The following KCNQ1 variants were observed in gnomAD, a reference collection of about 807,000 sequenced individuals.
The protein encoded by KCNQ1 is potassium voltage-gated channel subfamily KQT member 1.
In KCNQ1, 49 loss-of-function variants were observed where a neutral mutation model predicts 72.4. The ratio of observed to expected loss-of-function variants is 0.68; its 90% CI spans 0.54 to 0.86. KCNQ1 has a LOEUF of 0.86. Among genes scored for constraint, KCNQ1 ranks in the 40% least tolerant of loss-of-function variants. The probability of loss-of-function intolerance (pLI) is 0.00; values close to 1 mark genes in which losing one functional copy is unlikely to be tolerated. For missense variants in KCNQ1, 790 were observed against 945.1 expected (o/e 0.84, Z 2.15); for synonymous variants, 450 against 412.6 (o/e 1.09, Z -1.10).
chr11:2,609,283 ATTAT>A (rs1487188183), intron 10 of KCNQ1: 7 of 398,134 alleles, frequency 1.8e-5, no homozygotes, highest in Non-Finnish European at 2.2e-5. Flanking sequence ...TCACCCATTG[ATTAT>A]TTAAGAATGT....
chr11:2,546,976 C>G (rs1283568563), intron 2 of KCNQ1, among the ~76,000 whole-genome samples: 1 of 152,170 alleles, frequency 6.6e-6, no homozygotes. Context: ...ACTTTCAAAC[C>G]ATTTGTGTCT....
chr11:2,516,373 C>T lies in KCNQ1; in HGVS notation c.387-11555C>T, dbSNP rs567874937. 4.6e-5 allele frequency among the ~76,000 whole-genome samples: 7 copies of T among 152,066 alleles called. No individual in the cohort carries two copies. In the South Asian group the frequency reaches 1.5e-3, roughly 32 times the overall value. On this transcript the variant is annotated intron_variant, in intron 1 of 15. Coordinates refer to ENST00000155840, the MANE Select transcript of KCNQ1 (RefSeq NM_000218.3). The surrounding 1 kb of genome is among the most constrained non-coding windows in gnomAD (Gnocchi z 7.0). The stretch of plus-strand genomic sequence containing the variant: ...CCCCTCATGCCTGGGACCGCTGACC[C>T]ACCGGGATTCTTGGGGGCCACCATA...
intron 11 of KCNQ1, among the ~76,000 whole-genome samples, chr11:2,733,857 C>CTCTCTCTCGCTCTTTCTCTCT (rs147278439): frequency 5.2e-5 from 4 of 76,364 alleles, no homozygotes; most frequent in African/African-American, 1.8e-4. Flanking sequence ...CTCTCTCTCT[C>CTCTCTCTCGCTCTTTCTCTCT]CCCCCCCACT....
intron 2 of KCNQ1, among the ~76,000 whole-genome samples, chr11:2,569,446 T>C (rs1848293790): frequency 6.6e-6 from 1 of 152,184 alleles, no homozygotes; most frequent in South Asian, 2.1e-4. Context: ...GTGGACTCCC[T>C]GGTGGGGGCG....
rs1277710460 is a variant in KCNQ1, at chr11:2,808,865, A to T, written c.1794+30828A>T. Among the ~76,000 whole-genome samples, 1 of 152,102 alleles carries T rather than the reference A, an allele frequency of 6.6e-6. No homozygotes were observed. Among genetic ancestry groups the T allele is most frequent in the Non-Finnish European group, 1.5e-5 (1 of 68,032 alleles). ...TGTATGGAGGATTAGGGGAGGGATA[A>T]ATGGATGGATGGATGAACACATGGA... On this transcript the variant is annotated intron_variant, in intron 15 of 15. Coordinates refer to ENST00000155840, the MANE Select transcript of KCNQ1 (RefSeq NM_000218.3). The surrounding 1 kb of genome is among the most constrained non-coding windows in gnomAD (Gnocchi z 6.0).
chr11:2,834,602 C>G (rs4930009), intron 15 of KCNQ1, among the ~76,000 whole-genome samples: 24,623 of 152,170 alleles, frequency 0.16, 2,132 homozygotes, highest in Middle Eastern at 0.24. Context: ...AGAGACTGTG[C>G]GAGCAGAGGC....
In KCNQ1 at chr11:2,464,342, A is replaced by T. The variant is rs919110096; in HGVS notation, c.386+18858A>T. Among the ~76,000 whole-genome samples the T allele has an allele frequency of 5.3e-5, 8 of 152,230 alleles. No individual in the cohort carries two copies. The highest frequency in any genetic ancestry group is 1.9e-4 in the African/African-American group (8 of 41,454). On this transcript the variant is annotated intron_variant, in intron 1 of 15. Coordinates refer to ENST00000155840, the MANE Select transcript of KCNQ1 (RefSeq NM_000218.3). The surrounding 1 kb of genome is among the most constrained non-coding windows in gnomAD (Gnocchi z 5.0). ...TCTAATTAAAAATATATTGCTTTTT[A>T]AAAATAATAAAAGATCATTTAAATT...
At chr11:2,841,521 C>A (rs749216798) in intron 15 of KCNQ1, among the ~76,000 whole-genome samples, 1 of 152,202 alleles carries the variant, frequency 6.6e-6, no homozygotes, top group Non-Finnish European at 1.5e-5. Context: ...GCCACAGACA[C>A]CAGGTGCACA....
rs1258660113 is a variant in KCNQ1, at chr11:2,673,791, G to A, written c.1514+11710G>A. 2 of 398,598 alleles carry A rather than the reference G, an allele frequency of 5.0e-6. No individual in the cohort carries two copies. The highest frequency in any genetic ancestry group is 2.5e-4 in the South Asian group (2 of 7,854). 24.7% of individuals were successfully genotyped at this position (398,598 alleles called of 1,614,324 possible). A position where few individuals can be genotyped will look rare whatever the true frequency, so the allele number is the denominator to read the frequency against. On this transcript the variant is annotated intron_variant, in intron 11 of 15. Coordinates refer to ENST00000155840, the MANE Select transcript of KCNQ1 (RefSeq NM_000218.3). The surrounding 1 kb of genome is among the most constrained non-coding windows in gnomAD (Gnocchi z 4.5). Reference sequence around the variant, plus strand: ...GTATGTTGGGAAGCTCTGGTGCAAAGGGCAGTGATGGCCCTTCAATCCCAG... The same window carrying A: ...GTATGTTGGGAAGCTCTGGTGCAAAAGGCAGTGATGGCCCTTCAATCCCAG...
At chr11:2,775,107 A>G (rs1723102560) in intron 12 of KCNQ1, among the ~76,000 whole-genome samples, 1 of 152,186 alleles carries the variant, frequency 6.6e-6, no homozygotes, top group South Asian at 2.1e-4. Context: ...CTGTTGTCCT[A>G]TGTGCTGGCT....
In KCNQ1 at chr11:2,772,546, GTC is replaced by G. The variant is rs1369343175; in HGVS notation, c.1591-3410_1591-3409del. Among the ~76,000 whole-genome samples the G allele has an allele frequency of 6.6e-6, 1 of 152,118 alleles. No homozygotes were observed. The highest frequency in any genetic ancestry group is 1.5e-5 in the Non-Finnish European group (1 of 68,012). ...AGGCATCTCAGTGGCTCCAGGATAA[GTC>G]TCTGTGGGCTGGGATGCCACCGGGC... On this transcript the variant is annotated intron_variant, in intron 12 of 15. Coordinates refer to ENST00000155840, the MANE Select transcript of KCNQ1 (RefSeq NM_000218.3). This position sits in a 1 kb window ranked among gnomAD's most constrained non-coding sequence, Gnocchi z 6.6.
intron 15 of KCNQ1, among the ~76,000 whole-genome samples, chr11:2,794,142 G>C (rs1464105100): frequency 2.6e-5 from 4 of 152,212 alleles, no homozygotes; most frequent in African/African-American, 9.6e-5. Context: ...TTACAGGCAG[G>C]TGAGGATGCA....
intron 1 of KCNQ1, among the ~76,000 whole-genome samples, chr11:2,466,699 C>T (rs1846357161): frequency 6.6e-6 from 1 of 152,220 alleles, no homozygotes; most frequent in Non-Finnish European, 1.5e-5. Flanking sequence ...CAGCCTTGTC[C>T]AGGGGGCCTC....
At chr11:2,561,665 C>T (rs2133710506) in intron 2 of KCNQ1, among the ~76,000 whole-genome samples, 1 of 152,358 alleles carries the variant, frequency 6.6e-6, no homozygotes. Context: ...TGTGCCCATC[C>T]TCCTCCTGCT....
intron 10 of KCNQ1, among the ~76,000 whole-genome samples, chr11:2,604,131 AC>A (rs574434514): frequency 6.6e-6 from 1 of 152,150 alleles, no homozygotes; most frequent in Non-Finnish European, 1.5e-5. Flanking sequence ...TGCTTCTAGA[AC>A]ATGTGGGTTT....
intron 10 of KCNQ1, chr11:2,655,188 T>C (rs762225275): frequency 7.5e-5 from 30 of 398,480 alleles, no homozygotes; most frequent in Non-Finnish European, 1.2e-4. Context: ...GGGTGAGACT[T>C]GGCAGCCAGC....
Position 2,482,123 on chromosome 11 carries a change from C to A in KCNQ1, c.386+36639C>A, listed in dbSNP as rs1374304132. 2.0e-5 allele frequency among the ~76,000 whole-genome samples: 3 copies of A among 152,176 alleles called. No homozygotes were observed. Among genetic ancestry groups the A allele is most frequent in the Non-Finnish European group, 4.4e-5 (3 of 68,036 alleles). On this transcript the variant is annotated intron_variant, in intron 1 of 15. Transcript: ENST00000155840. The surrounding 1 kb of genome is among the most constrained non-coding windows in gnomAD (Gnocchi z 5.7). ...TGGTGGTTTGAGGATTGAATGAACT[C>A]ATTGTCCAGCACCCTTAGCTTCTTG...
intron 1 of KCNQ1, among the ~76,000 whole-genome samples, chr11:2,467,266 C>T (rs936836832): frequency 1.6e-4 from 24 of 152,130 alleles, no homozygotes; most frequent in East Asian, 1.9e-4. Context: ...GAGCCATGAG[C>T]GCCCTTCGTG....
At chr11:2,796,726 C>T (rs1260956563) in intron 15 of KCNQ1, among the ~76,000 whole-genome samples, 3 of 152,170 alleles carry the variant, frequency 2.0e-5, no homozygotes, top group African/African-American at 7.2e-5. Context: ...CGTGGGTTTC[C>T]CAGGAAGACA....
Sources: gnomAD v4.1 joint callset for allele counts (sites outside exome capture counted in the v4.1 genomes callset) on GRCh38, gnomAD v4.1.1 for gene constraint, Gnocchi (gnomAD v3.1) non-coding constraint, MANE v1.5 for transcripts, NCBI Gene and HGNC (gene_info 2026-07-23, HGNC 2026-07-21) for gene names.